The following RGS6 variants were observed in gnomAD, a reference collection of about 807,000 sequenced individuals.
The protein encoded by RGS6 is regulator of G protein signaling 6.
RGS6 carries 30 observed loss-of-function variants against 78.5 expected under a neutral mutation model. The observed-to-expected ratio is 0.38, with a 90% CI of 0.29 to 0.52. RGS6 has a LOEUF of 0.52. Among genes scored for constraint, RGS6 ranks in the 20% least tolerant of loss-of-function variants. The pLI is 0.85. For missense variants in RGS6, 495 were observed against 609.7 expected, an observed-to-expected ratio of 0.81 and a Z score of 1.98; for synonymous variants, 206 against 206.0, an observed-to-expected ratio of 1.00 and a Z score of 0.00.
chr14:72,278,769 G>T (rs1227272291), intron 2 of RGS6, among the ~76,000 whole-genome samples: 2 of 152,158 alleles, frequency 1.3e-5, no homozygotes, highest in African/African-American at 4.8e-5. Flanking sequence ...TGTTGTCTCA[G>T]TTGGCACCTG....
chr14:72,062,250 G>T (rs534535844), intron 2 of RGS6, among the ~76,000 whole-genome samples: 3 of 152,224 alleles, frequency 2.0e-5, no homozygotes, highest in Non-Finnish European at 4.4e-5. Context: ...AGGCAGGGAT[G>T]TAGTAGGATG....
intron 2 of RGS6, among the ~76,000 whole-genome samples, chr14:71,981,402 T>G: frequency 6.6e-6 from 1 of 152,194 alleles, no homozygotes; most frequent in East Asian, 1.9e-4. Flanking sequence ...TTTATCTGCT[T>G]TTGGTGTTTG....
the RGS6 span, among the ~76,000 whole-genome samples, chr14:72,607,697 A>G: frequency 6.6e-6 from 1 of 152,184 alleles, no homozygotes; most frequent in African/African-American, 2.4e-5. Context: ...ATATGAGCCT[A>G]AGTCCCCCTG....
intron 2 of RGS6, among the ~76,000 whole-genome samples, chr14:72,049,255 G>A (rs1264125396): frequency 6.6e-6 from 1 of 152,190 alleles, no homozygotes; most frequent in Non-Finnish European, 1.5e-5. Context: ...AATAGCAGGA[G>A]GAATATGGGA....
chr14:72,593,602 G>A, the RGS6 span, among the ~76,000 whole-genome samples: 11 of 152,092 alleles, frequency 7.2e-5, no homozygotes, highest in Admixed American at 3.3e-4. Context: ...GGCCAGGCTG[G>A]TCTTGAACTC....
chr14:71,947,101 C>T (rs972798487), intron 1 of RGS6, among the ~76,000 whole-genome samples: 23 of 152,146 alleles, frequency 1.5e-4, no homozygotes, highest in Admixed American at 1.5e-3. Context: ...TGCTTTATTA[C>T]AGTTAGTGTA....
At chr14:71,886,860 T>C in the RGS6 span, among the ~76,000 whole-genome samples, 1 of 152,062 alleles carries the variant, frequency 6.6e-6, no homozygotes, top group East Asian at 1.9e-4. Flanking sequence ...GACACCTCAA[T>C]GCAAGAGATG....
intron 2 of RGS6, among the ~76,000 whole-genome samples, chr14:72,044,411 A>G (rs118158341): frequency 0.018 from 2,773 of 152,288 alleles, 33 homozygotes; most frequent in Non-Finnish European, 0.028. Flanking sequence ...GGCACCATTC[A>G]GTCAGCTGAG....
At chr14:72,368,882 G>T (rs966040393) in intron 3 of RGS6, among the ~76,000 whole-genome samples, 1 of 152,112 alleles carries the variant, frequency 6.6e-6, no homozygotes, top group South Asian at 2.1e-4. Flanking sequence ...TGTTGATAAA[G>T]GGTCTTTGAA....
intron 2 of RGS6, among the ~76,000 whole-genome samples, chr14:72,199,096 C>G (rs551096995): frequency 1.3e-5 from 2 of 152,268 alleles, no homozygotes; most frequent in South Asian, 4.1e-4. Context: ...GAGTATGACA[C>G]TTTCCTGGCC....
chr14:72,525,724 C>T lies in RGS6; in HGVS notation c.1278+7187C>T, dbSNP rs1008170501. Among the ~76,000 whole-genome samples the T allele has an allele frequency of 2.8e-4, 43 of 152,312 alleles. 1 individual carries two copies. Among genetic ancestry groups the T allele is most frequent in the East Asian group, 1.9e-4 (1 of 5,186 alleles). On this transcript the variant is annotated intron_variant, in intron 15 of 17. Transcript: ENST00000553525. ...TCCAGTGGTGGAGGTGGCGGCATTG[C>T]GTGCCAGTATCACAAGACCACACCA...
intron 2 of RGS6, among the ~76,000 whole-genome samples, chr14:71,988,128 C>A (rs555066440): frequency 6.6e-6 from 1 of 152,044 alleles, no homozygotes; most frequent in Non-Finnish European, 1.5e-5. Flanking sequence ...TGACCCTGGG[C>A]GCTAATGTGA....
At chr14:72,433,536 C>T (rs1274305348) in intron 3 of RGS6, among the ~76,000 whole-genome samples, 1 of 151,948 alleles carries the variant, frequency 6.6e-6, no homozygotes, top group Non-Finnish European at 1.5e-5. Context: ...TCCAGAAAGT[C>T]AAGAAAAGCC....
intron 3 of RGS6, among the ~76,000 whole-genome samples, chr14:72,413,405 G>A (rs952809036): frequency 2.8e-4 from 43 of 151,762 alleles, no homozygotes; most frequent in Middle Eastern, 3.4e-3. Flanking sequence ...GCCTTTTTTT[G>A]TTTTCCATTT....
chr14:71,954,030 A>T (rs1431412659), intron 1 of RGS6, among the ~76,000 whole-genome samples: 1 of 115,910 alleles, frequency 8.6e-6, no homozygotes, highest in East Asian at 3.0e-4. Context: ...TCTGGCTTGC[A>T]TGGCTTCTGT....
intron 2 of RGS6, among the ~76,000 whole-genome samples, chr14:72,340,263 T>A (rs528937271): frequency 2.9e-4 from 44 of 152,230 alleles, no homozygotes; most frequent in Non-Finnish European, 5.0e-4. Flanking sequence ...ACTGGAGCAG[T>A]CTGGGACATC....
chr14:72,194,546 GAGACAGGGTCTC>G (rs2039542994), intron 2 of RGS6, among the ~76,000 whole-genome samples: 1 of 152,012 alleles, frequency 6.6e-6, no homozygotes, highest in African/African-American at 2.4e-5. Flanking sequence ...AGTTTTTGTA[GAGACAGGGTCTC>G]ACTATGTTGC....
At chr14:71,945,061 C>T (rs2091303474) in intron 1 of RGS6, among the ~76,000 whole-genome samples, 1 of 152,202 alleles carries the variant, frequency 6.6e-6, no homozygotes, top group Admixed American at 6.5e-5. Flanking sequence ...ACTTGTGGTG[C>T]ATGACTGTAA....
intron 13 of RGS6, among the ~76,000 whole-genome samples, chr14:72,500,814 G>A (rs931622832): frequency 1.3e-5 from 2 of 152,214 alleles, no homozygotes; most frequent in Non-Finnish European, 2.9e-5. Flanking sequence ...AGAGAAGCCA[G>A]AGGCCAACAA....
Sources: gnomAD v4.1 joint callset for allele counts (sites outside exome capture counted in the v4.1 genomes callset) on GRCh38, gnomAD v4.1.1 for gene constraint, MANE v1.5 for transcripts, NCBI Gene and HGNC (gene_info 2026-07-23, HGNC 2026-07-21) for gene names.